VRK2: variants seen among roughly 807,000 people sequenced by gnomAD.
The protein encoded by VRK2 is serine/threonine-protein kinase VRK2.
A neutral mutation model predicts 57.6 loss-of-function variants in VRK2; 60 were observed. That is an observed-to-expected ratio of 1.04 (90% CI 0.85 to 1.29). VRK2 has a LOEUF of 1.29. VRK2 is among the 50% of genes most tolerant of loss of function. The probability of loss-of-function intolerance (pLI) is 0.00; values close to 1 mark genes in which losing one functional copy is unlikely to be tolerated. For missense variants in VRK2, 705 were observed against 588.1 expected (o/e 1.20, Z -2.06); for synonymous variants, 231 against 199.2 (o/e 1.16, Z -1.35).
At chr2:57,977,518 G>GTCCAGGGA (rs1242980251) in intron 1 of VRK2, among the ~76,000 whole-genome samples, 1 of 144,804 alleles carries the variant, frequency 6.9e-6, no homozygotes, top group African/African-American at 2.9e-5. Context: ...TGGCTTGCAG[G>GTCCAGGGA]TTGGACATTG....
chr2:57,953,287 C>T (rs951029432), intron 1 of VRK2, among the ~76,000 whole-genome samples: 4 of 152,168 alleles, frequency 2.6e-5, no homozygotes, highest in Non-Finnish European at 5.9e-5. Context: ...GATTGTAATG[C>T]ACTTTTTCTG....
At chr2:58,064,242 T>C (rs1668306046) in intron 2 of VRK2, among the ~76,000 whole-genome samples, 1 of 152,128 alleles carries the variant, frequency 6.6e-6, no homozygotes, top group South Asian at 2.1e-4. Flanking sequence ...GAAAGGTCTG[T>C]TGTAGATAAA....
At chr2:57,990,991 G>A (rs558328098) in intron 1 of VRK2, among the ~76,000 whole-genome samples, 1 of 151,868 alleles carries the variant, frequency 6.6e-6, no homozygotes, top group African/African-American at 2.4e-5. Context: ...AGGGATAGAT[G>A]GGAAAAAAAG....
At chr2:58,082,900 T>G (rs1241059771) in intron 2 of VRK2, among the ~76,000 whole-genome samples, 1 of 151,772 alleles carries the variant, frequency 6.6e-6, no homozygotes, top group Non-Finnish European at 1.5e-5. Context: ...TATGATTGGC[T>G]CAACTGTAAT....
At chr2:58,128,848 C>T (rs377484726) in intron 8 of VRK2, among the ~76,000 whole-genome samples, 1 of 152,130 alleles carries the variant, frequency 6.6e-6, no homozygotes, top group African/African-American at 2.4e-5. Flanking sequence ...GGCATAGTAG[C>T]GGCTCTCCAT....
chr2:57,935,311 T>C (rs1670869632), intron 1 of VRK2, among the ~76,000 whole-genome samples: 1 of 152,194 alleles, frequency 6.6e-6, no homozygotes, highest in African/African-American at 2.4e-5. Flanking sequence ...CACCTATTGA[T>C]TCCTCTTGGT....
At chr2:57,970,811 C>T (rs1672073160) in intron 1 of VRK2, among the ~76,000 whole-genome samples, 2 of 151,980 alleles carry the variant, frequency 1.3e-5, no homozygotes, top group African/African-American at 4.8e-5. Context: ...CTACTCTCTT[C>T]TCCCTTCTAC....
Position 58,048,450 on chromosome 2 carries a change from A to G in VRK2, c.-5-377A>G. On this transcript the variant is annotated intron_variant, in intron 1 of 12. Coordinates refer to ENST00000340157, the MANE Select transcript of VRK2 (RefSeq NM_006296.7). Reference sequence around the variant, plus strand: ...CTCACTTTTAACATTTTACATTCTCAGTGACAGCAATATTTCCATGTACAT... The same window carrying G: ...CTCACTTTTAACATTTTACATTCTCGGTGACAGCAATATTTCCATGTACAT... 32 of 780,396 alleles carry G rather than the reference A, an allele frequency of 4.1e-5. No homozygotes were observed. The South Asian group carries it at 5.6e-4, about 14-fold the overall frequency. The allele number at this position is 780,396 out of a possible 1,614,324, so 48.3% of individuals were successfully genotyped here.
intron 3 of VRK2, 116 bp downstream of exon 3, chr2:58,084,254 T>C: frequency 9.3e-7 from 1 of 1,071,208 alleles, no homozygotes. Context: ...AACCTAATGT[T>C]ATCATCTGTT....
At chr2:58,159,223 G>GA in intron 12 of VRK2, 126 bp from the exon 13 acceptor site, 1 of 696,780 alleles carries the variant, frequency 1.4e-6, no homozygotes, top group East Asian at 2.7e-5. Context: ...TACTTCTCAG[G>GA]AAAAATAACA....
rs146556062 is a variant in VRK2, at chr2:57,938,789, A to G, written c.-439+30950A>G. Among the ~76,000 whole-genome samples the G allele has an allele frequency of 3.2e-4, 48 of 150,994 alleles. 1 individual carries two copies. The East Asian group carries it at 9.0e-3, about 28-fold the overall frequency. ...GAGATGTATGCATATAAACCTGAAGATCATGTATCTCTGAGTTCATTTTTT... is the reference window on the plus strand; with the variant it reads ...GAGATGTATGCATATAAACCTGAAGGTCATGTATCTCTGAGTTCATTTTTT... On this transcript the variant is annotated intron_variant, in intron 1 of 15. Coordinates refer to the VRK2 transcript ENST00000417641.
intron 1 of VRK2, among the ~76,000 whole-genome samples, chr2:57,980,258 A>T (rs1012996833): frequency 6.6e-6 from 1 of 151,996 alleles, no homozygotes; most frequent in Non-Finnish European, 1.5e-5. Flanking sequence ...GTTTCAAAGA[A>T]TTTTTTTTAT....
At chr2:58,072,801 G>A (rs1669543845) in intron 2 of VRK2, among the ~76,000 whole-genome samples, 1 of 151,648 alleles carries the variant, frequency 6.6e-6, no homozygotes, top group Admixed American at 6.6e-5. Flanking sequence ...CTTTGCTTCT[G>A]TTTTCTAGGA....
intron 1 of VRK2, among the ~76,000 whole-genome samples, chr2:57,916,526 C>T (rs1433226263): frequency 6.6e-6 from 1 of 151,850 alleles, no homozygotes; most frequent in African/African-American, 2.4e-5. Flanking sequence ...TATATCGACC[C>T]ACCCTCCTTA....
intron 2 of VRK2, among the ~76,000 whole-genome samples, chr2:58,029,851 T>C (rs1401086254): frequency 6.6e-6 from 1 of 152,180 alleles, no homozygotes; most frequent in African/African-American, 2.4e-5. Flanking sequence ...ACAGCACTTA[T>C]CATTGTCATT....
chr2:58,020,534 T>C (rs1673723185), intron 1 of VRK2, among the ~76,000 whole-genome samples: 1 of 152,222 alleles, frequency 6.6e-6, no homozygotes, highest in African/African-American at 2.4e-5. Flanking sequence ...CAAATGAAGG[T>C]TATTGTGCCA....
At chr2:58,140,983 A>G (rs1205426120) in intron 11 of VRK2, among the ~76,000 whole-genome samples, 2 of 151,986 alleles carry the variant, frequency 1.3e-5, no homozygotes, top group Non-Finnish European at 2.9e-5. Context: ...TTCTCTCATG[A>G]TACAATTAGA....
chr2:58,100,945 A>C (rs536260505), intron 7 of VRK2, among the ~76,000 whole-genome samples: 1 of 151,734 alleles, frequency 6.6e-6, no homozygotes, highest in Non-Finnish European at 1.5e-5. Flanking sequence ...TAGTGTTCCT[A>C]TTGTCCAAAT....
intron 7 of VRK2, among the ~76,000 whole-genome samples, chr2:58,099,622 A>G (rs186602590): frequency 1.2e-4 from 18 of 152,136 alleles, no homozygotes. Context: ...TCTGTTCTCA[A>G]GCTGCCTACT....
Sources: gnomAD v4.1 joint callset for allele counts (sites outside exome capture counted in the v4.1 genomes callset) on GRCh38, gnomAD v4.1.1 for gene constraint, MANE v1.5 for transcripts, NCBI Gene and HGNC (gene_info 2026-07-23, HGNC 2026-07-21) for gene names.